Variants in NEK10 observed in about 807,000 individuals in gnomAD.
The protein encoded by NEK10 is serine/threonine-protein kinase Nek10.
In NEK10, 122 loss-of-function variants were observed where a neutral mutation model predicts 159.8. That is an observed-to-expected ratio of 0.76 (90% confidence interval 0.66 to 0.89). NEK10 has a LOEUF of 0.89. NEK10 is among the 40% of genes least tolerant of loss of function. The probability of loss-of-function intolerance (pLI) is 0.00; values close to 1 mark genes in which losing one functional copy is unlikely to be tolerated. For missense variants in NEK10, 1,342 were observed against 1,323.1 expected, an observed-to-expected ratio of 1.01 and a Z score of -0.22; for synonymous variants, 466 against 457.1, an observed-to-expected ratio of 1.02 and a Z score of -0.25.
At position 27,110,089 on chromosome 3, in the gene NEK10, G is replaced by A. The variant is rs186414278; in HGVS notation, c.*1183C>T. The A allele has an allele frequency of 2.8e-4, 43 of 152,270 alleles. No homozygotes were observed. The highest frequency in any genetic ancestry group is 4.4e-4 in the Non-Finnish European group (30 of 68,004). The allele number at this position is 152,270 out of a possible 1,614,324, so 9.4% of individuals were successfully genotyped here. ...TAAAGATGACAGAACTCCATGAAAA[G>A]TAAATAAAAAGTATAATTTCAACTT... On this transcript the variant is annotated 3_prime_UTR_variant, in exon 36 of 36. Transcript: ENST00000691995.
At chr3:27,288,107 T>A (rs866178603) in intron 19 of NEK10, among the ~76,000 whole-genome samples, 1 of 152,226 alleles carries the variant, frequency 6.6e-6, no homozygotes, top group Non-Finnish European at 1.5e-5. Context: ...AAAAGTGAAA[T>A]GCGGTAACTT....
At chr3:27,118,622 G>T (rs969924705) in intron 33 of NEK10, among the ~76,000 whole-genome samples, 2 of 152,150 alleles carry the variant, frequency 1.3e-5, no homozygotes, top group African/African-American at 2.4e-5. Flanking sequence ...GCCCTGGGGG[G>T]AGTTTGTCAA....
chr3:27,112,476 G>A (rs1228119756), intron 35 of NEK10, among the ~76,000 whole-genome samples: 1 of 152,022 alleles, frequency 6.6e-6, no homozygotes, highest in Non-Finnish European at 1.5e-5. Flanking sequence ...ATTTTGCAAT[G>A]ACGATGATGA....
intron 32 of NEK10, among the ~76,000 whole-genome samples, chr3:27,120,917 A>G (rs1037980763): frequency 6.6e-6 from 1 of 152,204 alleles, no homozygotes; most frequent in African/African-American, 2.4e-5. Context: ...AGTCAGAAAA[A>G]ATGGCATAAT....
rs553362997 is a variant in NEK10, at chr3:27,345,859, A to C, written c.263+227T>G. Among the ~76,000 whole-genome samples the C allele has an allele frequency of 6.6e-5, 10 of 152,346 alleles. No individual in the cohort carries two copies. The East Asian group carries it at 1.5e-3, about 23-fold the overall frequency. ...TGAGCAATGCCAAACGCATGTCAGC[A>C]TAGGGTCCTAAATCTCCCAGGTCAG... On this transcript the variant is annotated intron_variant, in intron 4 of 35. Transcript: ENST00000691995.
At chr3:27,166,722 G>A (rs756498418) in intron 29 of NEK10, among the ~76,000 whole-genome samples, 11 of 152,106 alleles carry the variant, frequency 7.2e-5, no homozygotes, top group Non-Finnish European at 1.3e-4. Flanking sequence ...CACTTTGGGA[G>A]GCCCAGGGGG....
chr3:27,115,493 C>T (rs762861399), intron 35 of NEK10, among the ~76,000 whole-genome samples: 27 of 152,138 alleles, frequency 1.8e-4, no homozygotes, highest in Non-Finnish European at 3.1e-4. Flanking sequence ...CTCTTCTCCA[C>T]AAATATATCT....
intron 3 of NEK10, among the ~76,000 whole-genome samples, chr3:27,350,203 CAA>C (rs2047871230): frequency 6.6e-6 from 1 of 152,110 alleles, no homozygotes; most frequent in Non-Finnish European, 1.5e-5. Flanking sequence ...ATCTCCGAAC[CAA>C]ATATGTTGCC....
intron 23 of NEK10, among the ~76,000 whole-genome samples, chr3:27,240,172 G>T (rs1383445190): frequency 6.6e-6 from 1 of 152,150 alleles, no homozygotes; most frequent in Non-Finnish European, 1.5e-5. Flanking sequence ...TTCACCCAGT[G>T]ATTACACTCC....
At chr3:27,172,321 G>A (rs1407369011) in intron 28 of NEK10, among the ~76,000 whole-genome samples, 9 of 113,094 alleles carry the variant, frequency 8.0e-5, no homozygotes, top group East Asian at 2.6e-4. Flanking sequence ...GTGACAGAGC[G>A]AGACCCCGTC....
intron 23 of NEK10, chr3:27,253,049 G>A (rs977390287): frequency 1.1e-5 from 4 of 366,548 alleles, no homozygotes; most frequent in African/African-American, 2.1e-5. Flanking sequence ...GCAGTTAATA[G>A]GCATGCTTCA....
intron 22 of NEK10, among the ~76,000 whole-genome samples, chr3:27,267,446 T>C (rs2040991967): frequency 6.6e-6 from 1 of 152,230 alleles, no homozygotes; most frequent in African/African-American, 2.4e-5. Context: ...AGCAAGCCTA[T>C]GAGCACCATT....
intron 19 of NEK10, among the ~76,000 whole-genome samples, chr3:27,289,272 T>C (rs1284489080): frequency 6.6e-6 from 1 of 152,214 alleles, no homozygotes; most frequent in African/African-American, 2.4e-5. Flanking sequence ...GAGTCCTCTT[T>C]CTAAGCACCT....
At chr3:27,194,077 G>C (rs149264675) in intron 25 of NEK10, 1 of 151,454 alleles carries the variant, frequency 6.6e-6, no homozygotes, top group Non-Finnish European at 1.5e-5. Flanking sequence ...TTCCAGGATA[G>C]TCTCGTTGCT....
chr3:27,158,692 G>A (rs1330999601), intron 30 of NEK10, among the ~76,000 whole-genome samples: 1 of 152,178 alleles, frequency 6.6e-6, no homozygotes, highest in Non-Finnish European at 1.5e-5. Flanking sequence ...CTGAGCAAGG[G>A]AGGGGAAAAT....
At chr3:27,155,555 A>AATAAC (rs1377863291) in intron 30 of NEK10, among the ~76,000 whole-genome samples, 1 of 135,920 alleles carries the variant, frequency 7.4e-6, no homozygotes, top group African/African-American at 2.6e-5. Flanking sequence ...AATAAAATAA[A>AATAAC]ATAAAATACT....
chr3:27,270,121 T>A (rs570972476), intron 22 of NEK10, among the ~76,000 whole-genome samples: 1 of 152,194 alleles, frequency 6.6e-6, no homozygotes, highest in Non-Finnish European at 1.5e-5. Flanking sequence ...ACGGATGAGA[T>A]GTTACTTCCA....
intron 14 of NEK10, among the ~76,000 whole-genome samples, chr3:27,296,477 T>G (rs2060273112): frequency 6.6e-6 from 1 of 152,204 alleles, no homozygotes; most frequent in South Asian, 2.1e-4. Context: ...GTTTCTCTTA[T>G]GTCCTAATTT....
Position 27,284,935 on chromosome 3 carries a change from G to T in NEK10, c.1816C>A (p.Leu606Met). Residue 606 changes from leucine (L) to methionine (M), a missense_variant, in exon 21 of 36, where the codon CTG (leucine) becomes ATG (methionine). Physicochemically the swap from Leu to Met is conservative, Grantham distance 15. Coordinates refer to ENST00000691995, the MANE Select transcript of NEK10 (RefSeq NM_001394966.1). ...ENDRLYIVME[L>M]IEGAPLGEHF... is the part of the protein sequence containing the mutation. ...TCTCCAAGCGGGGCTCCTTCTATCA[G>T]CTCCATAACTATGTACAACCTATCA... The T allele has an allele frequency of 6.2e-7, 1 of 1,607,170 alleles. No individual in the cohort carries two copies. Among genetic ancestry groups the T allele is most frequent in the Non-Finnish European group, 8.5e-7 (1 of 1,174,828 alleles).
Sources: gnomAD v4.1 joint callset for allele counts (sites outside exome capture counted in the v4.1 genomes callset) on GRCh38, gnomAD v4.1.1 for gene constraint, MANE v1.5 for transcripts, NCBI Gene and HGNC (gene_info 2026-07-23, HGNC 2026-07-21) for gene names.